Variants in NTRK3 observed in about 807,000 individuals in gnomAD.
The protein encoded by NTRK3 is NT-3 growth factor receptor.
In NTRK3, 24 loss-of-function variants were observed where a neutral mutation model predicts 91.7. That is an observed-to-expected ratio of 0.26 (90% CI 0.19 to 0.37). NTRK3 has a LOEUF of 0.37. Among genes scored for constraint, NTRK3 ranks in the 10% least tolerant of loss-of-function variants. The pLI is 1.00. For missense variants in NTRK3, 880 were observed against 1,068.9 expected, an observed-to-expected ratio of 0.82 and a Z score of 2.46; for synonymous variants, 483 against 404.0, an observed-to-expected ratio of 1.20 and a Z score of -2.34.
intron 5 of NTRK3, among the ~76,000 whole-genome samples, chr15:88,148,889 G>T (rs537053372): frequency 6.6e-6 from 1 of 152,320 alleles, no homozygotes; most frequent in African/African-American, 2.4e-5. Context: ...ATTTCTATTG[G>T]ATTGGATTTT....
chr15:88,246,520 G>A (rs1041361107), intron 3 of NTRK3, among the ~76,000 whole-genome samples: 4 of 152,172 alleles, frequency 2.6e-5, no homozygotes, highest in South Asian at 2.1e-4. Context: ...TATAAAGCTC[G>A]CTTCCTCCAT....
intron 12 of NTRK3, among the ~76,000 whole-genome samples, chr15:88,126,636 C>A (rs762441055): frequency 3.3e-5 from 5 of 152,164 alleles, no homozygotes; most frequent in Non-Finnish European, 7.3e-5. Flanking sequence ...GCCATTCTAA[C>A]AGATGCAAAA....
intron 14 of NTRK3, among the ~76,000 whole-genome samples, chr15:87,948,871 T>C (rs1225690945): frequency 6.6e-6 from 1 of 152,202 alleles, no homozygotes; most frequent in East Asian, 1.9e-4. Context: ...GGCCAGTCCA[T>C]GCCTCGTCCC....
intron 14 of NTRK3, among the ~76,000 whole-genome samples, chr15:87,987,556 C>T (rs547642786): frequency 1.3e-5 from 2 of 151,506 alleles, no homozygotes; most frequent in East Asian, 1.9e-4. Context: ...TGTAGTTACT[C>T]TTTTCTTGAT....
chr15:87,970,421 T>C (rs891836131), intron 14 of NTRK3, among the ~76,000 whole-genome samples: 1 of 152,236 alleles, frequency 6.6e-6, no homozygotes, highest in African/African-American at 2.4e-5. Context: ...GGTAGCGTGC[T>C]GGGTGTGGTG....
chr15:88,063,595 G>A (rs2046399318), intron 13 of NTRK3, among the ~76,000 whole-genome samples: 1 of 152,182 alleles, frequency 6.6e-6, no homozygotes, highest in Admixed American at 6.5e-5. Flanking sequence ...GCCTTCTCCT[G>A]GAGACTGAGC....
intron 17 of NTRK3, chr15:87,908,539 ACGGGCCCTT>A (rs2066904930): frequency 7.5e-6 from 3 of 399,328 alleles, no homozygotes; most frequent in Non-Finnish European, 1.3e-5. Context: ...ACCACACTGA[ACGGGCCCTT>A]CTGGCATGGC....
chr15:87,979,532 A>C (rs1478304657), intron 14 of NTRK3: 1 of 1,030,538 alleles, frequency 9.7e-7, no homozygotes, highest in East Asian at 2.5e-5. Flanking sequence ...CCCCCAAAGA[A>C]GATCAAAACT....
chr15:88,227,518 A>C (rs986836054), intron 3 of NTRK3, among the ~76,000 whole-genome samples: 48 of 152,204 alleles, frequency 3.2e-4, no homozygotes, highest in Non-Finnish European at 3.4e-4. Flanking sequence ...ATGTGCACAC[A>C]GAAGGATGAC....
At chr15:88,206,543 A>T (rs2048793807) in intron 3 of NTRK3, among the ~76,000 whole-genome samples, 1 of 148,874 alleles carries the variant, frequency 6.7e-6, no homozygotes, top group Admixed American at 6.7e-5. Flanking sequence ...CTGTAGTCCC[A>T]GCTACTCAGG....
chr15:88,032,769 C>T, intron 14 of NTRK3, 88 bp downstream of exon 14: 1 of 1,462,842 alleles, frequency 6.8e-7, no homozygotes, highest in South Asian at 1.2e-5. Context: ...GCAGGTCACC[C>T]TAGAAGGTTC....
rs1028582673 is a variant in NTRK3 at position 88,243,923 on chromosome 15, T to A, written c.248+11983A>T. ...CACATGAATGCCCTCAGAAAAAAAA[T>A]ATCTTTAGCACCTAGCAGTTGAAGG... On this transcript the variant is annotated intron_variant, in intron 3 of 18. Coordinates refer to ENST00000394480, the Ensembl canonical transcript of NTRK3. The surrounding 1 kb of genome is among the most constrained non-coding windows in gnomAD (Gnocchi z 4.8). Among the ~76,000 whole-genome samples the A allele has an allele frequency of 2.0e-5, 3 of 151,986 alleles. No homozygotes were observed. Among genetic ancestry groups the A allele is most frequent in the Non-Finnish European group, 4.4e-5 (3 of 68,000 alleles).
intron 17 of NTRK3, among the ~76,000 whole-genome samples, chr15:87,881,647 C>A (rs998336320): frequency 5.3e-5 from 8 of 151,988 alleles, no homozygotes; most frequent in African/African-American, 1.9e-4. Context: ...TCTCGATCTT[C>A]TGACCTCGTG....
chr15:87,866,295 C>A (rs145764659), exon 19 of NTRK3: 4 of 197,760 alleles, frequency 2.0e-5, no homozygotes, highest in African/African-American at 9.2e-5. Flanking sequence ...TCATAATAGA[C>A]CCCAACTCTT....
chr15:87,915,230 G>A (rs765373578), intron 17 of NTRK3, among the ~76,000 whole-genome samples: 2 of 152,232 alleles, frequency 1.3e-5, no homozygotes, highest in Non-Finnish European at 2.9e-5. Flanking sequence ...ATAATAAGCA[G>A]TAACCATCAT....
chr15:88,115,737 T>C (rs760977909), intron 13 of NTRK3, among the ~76,000 whole-genome samples: 5 of 151,924 alleles, frequency 3.3e-5, no homozygotes, highest in Non-Finnish European at 7.4e-5. Context: ...AGGCTTTCAG[T>C]GTGAATACCA....
intron 13 of NTRK3, among the ~76,000 whole-genome samples, chr15:88,060,413 C>T (rs986685355): frequency 2.0e-5 from 3 of 151,332 alleles, no homozygotes; most frequent in Non-Finnish European, 4.4e-5. Context: ...AGTAGGGGGC[C>T]CTGAGACCAT....
rs112942756 is a variant in NTRK3, at chr15:88,183,582, G to A, written c.324-93C>T. ...CTGGCAGGGGGTGAGGCTAAGGCTG[G>A]CCCTGCAGCCGCCCTGTGGATTATC... On this transcript the variant is annotated intron_variant, in intron 4 of 18. Transcript: ENST00000394480. 1,921 of 1,137,990 alleles carry A rather than the reference G, an allele frequency of 1.7e-3. 33 individuals carry two copies. In the African/African-American group the frequency reaches 0.024, roughly 14 times the overall value. 70.5% of individuals were successfully genotyped at this position (1,137,990 alleles called of 1,614,324 possible). A position where few individuals can be genotyped will look rare whatever the true frequency, so the allele number is the denominator to read the frequency against.
At chr15:88,192,527 C>T (rs1217715360) in intron 3 of NTRK3, among the ~76,000 whole-genome samples, 1 of 152,166 alleles carries the variant, frequency 6.6e-6, no homozygotes, top group African/African-American at 2.4e-5. Flanking sequence ...CTTCAACAAT[C>T]TACATTATTG....
Sources: gnomAD v4.1 joint callset for allele counts (sites outside exome capture counted in the v4.1 genomes callset) on GRCh38, gnomAD v4.1.1 for gene constraint, Gnocchi (gnomAD v3.1) non-coding constraint, MANE v1.5 for transcripts, NCBI Gene and HGNC (gene_info 2026-07-23, HGNC 2026-07-21) for gene names.